The following NRG1 variants were observed in gnomAD, a reference collection of about 807,000 sequenced individuals.
NRG1 encodes neuregulin 1.
NRG1 carries 18 observed loss-of-function variants against 63.8 expected under a neutral mutation model. The ratio of observed to expected loss-of-function variants is 0.28; its 90% confidence interval spans 0.19 to 0.42. NRG1 has a LOEUF of 0.42. NRG1 is among the 10% of genes least tolerant of loss of function. The probability of loss-of-function intolerance (pLI) is 1.00; values close to 1 mark genes in which losing one functional copy is unlikely to be tolerated. For synonymous variants in NRG1, 302 were observed against 301.3 expected (o/e 1.00, Z -0.02); for missense variants, 762 against 814.7 (o/e 0.94, Z 0.79).
chr8:31,829,181 G>T (rs1365830142), intron 1 of NRG1, among the ~76,000 whole-genome samples: 4 of 152,166 alleles, frequency 2.6e-5, no homozygotes, highest in African/African-American at 9.7e-5. Flanking sequence ...GCATACATTT[G>T]CAGTCCCTTG....
intron 1 of NRG1, among the ~76,000 whole-genome samples, chr8:32,539,563 G>C (rs1832370854): frequency 6.6e-6 from 1 of 152,172 alleles, no homozygotes; most frequent in African/African-American, 2.4e-5. Context: ...TTTTTGCGGG[G>C]AAGAGATGGA....
chr8:32,519,488 AAAT>A (rs34117570), intron 1 of NRG1, among the ~76,000 whole-genome samples: 114,809 of 150,378 alleles, frequency 0.76, 44,004 homozygotes, highest in East Asian at 0.88. Flanking sequence ...ACATCTATGA[AAAT>A]AATAATAATA....
At chr8:32,018,503 A>G (rs1200789946) in intron 1 of NRG1, among the ~76,000 whole-genome samples, 1 of 152,230 alleles carries the variant, frequency 6.6e-6, no homozygotes, top group African/African-American at 2.4e-5. Context: ...TCTGTTTATG[A>G]GCCAAAAATA....
intron 2 of NRG1, among the ~76,000 whole-genome samples, chr8:32,604,925 A>G (rs961134033): frequency 3.9e-5 from 6 of 152,190 alleles, no homozygotes; most frequent in Non-Finnish European, 7.3e-5. Context: ...TTATAAAACT[A>G]TGTGATAATG....
At chr8:32,116,463 T>C (rs562543521) in intron 1 of NRG1, among the ~76,000 whole-genome samples, 1 of 152,218 alleles carries the variant, frequency 6.6e-6, no homozygotes, top group South Asian at 2.1e-4. Flanking sequence ...CTTCACCACC[T>C]GATGAGCTGA....
intron 1 of NRG1, among the ~76,000 whole-genome samples, chr8:32,003,439 C>A (rs1813264076): frequency 6.6e-6 from 1 of 152,002 alleles, no homozygotes; most frequent in South Asian, 2.1e-4. Flanking sequence ...TGGGCCATAA[C>A]ATTTATCTTA....
intron 1 of NRG1, among the ~76,000 whole-genome samples, chr8:32,153,094 C>T (rs1210148989): frequency 6.6e-6 from 1 of 152,062 alleles, no homozygotes; most frequent in East Asian, 1.9e-4. Context: ...AAAAAATTAG[C>T]AATTCAGCAG....
intron 1 of NRG1, among the ~76,000 whole-genome samples, chr8:32,015,799 G>A (rs771605922): frequency 2.0e-5 from 3 of 151,302 alleles, no homozygotes; most frequent in East Asian, 1.9e-4. Flanking sequence ...AAAGCCTAAC[G>A]GAATCTGGCT....
intron 5 of NRG1, among the ~76,000 whole-genome samples, chr8:32,701,438 C>G (rs1814856804): frequency 6.6e-6 from 1 of 152,096 alleles, no homozygotes; most frequent in Non-Finnish European, 1.5e-5. Context: ...CCTGGCATTG[C>G]TCTCCCAGAA....
chr8:32,466,419 T>G (rs994097043), intron 1 of NRG1, among the ~76,000 whole-genome samples: 7 of 151,162 alleles, frequency 4.6e-5, no homozygotes, highest in Non-Finnish European at 8.8e-5. Flanking sequence ...CAGTAGCATC[T>G]AAAAGTGCAT....
At chr8:32,138,780 CT>C (rs1835876019) in intron 1 of NRG1, among the ~76,000 whole-genome samples, 1 of 151,986 alleles carries the variant, frequency 6.6e-6, no homozygotes, top group South Asian at 2.1e-4. Flanking sequence ...ATTGGCCAGG[CT>C]GTTTTCAATG....
At chr8:32,121,028 T>G (rs527994110) in intron 1 of NRG1, among the ~76,000 whole-genome samples, 34 of 152,022 alleles carry the variant, frequency 2.2e-4, no homozygotes, top group Non-Finnish European at 4.4e-4. Context: ...GTCAATTAGT[T>G]TCTCATACTC....
In NRG1 at chr8:32,352,900, C is replaced by CAT. The variant is rs151174403; in HGVS notation, c.38-242914_38-242913dup. 1.4e-3 allele frequency among the ~76,000 whole-genome samples: 169 copies of CAT among 121,710 alleles called. 1 individual carries two copies. The highest frequency in any genetic ancestry group is 3.7e-3 in the African/African-American group (122 of 33,278). The allele number at this position is 121,710 out of a possible 152,430, so 79.8% of individuals were successfully genotyped here. Reference sequence around the variant, plus strand: ...CTCAATTTTTTAAAATATATATATACATATATATATATATAGAGAGAGAGA... The same window carrying CAT: ...CTCAATTTTTTAAAATATATATATACATATATATATATATATAGAGAGAGAGA... On this transcript the variant is annotated intron_variant, in intron 1 of 10. Transcript: ENST00000519301.
intron 1 of NRG1, among the ~76,000 whole-genome samples, chr8:32,505,898 A>C (rs897973453): frequency 2.0e-5 from 3 of 152,156 alleles, no homozygotes; most frequent in Non-Finnish European, 2.9e-5. Context: ...AGGGTCCTTG[A>C]CTGACAGCGA....
intron 1 of NRG1, among the ~76,000 whole-genome samples, chr8:32,538,270 A>G (rs1832226634): frequency 6.6e-6 from 1 of 152,200 alleles, no homozygotes; most frequent in Non-Finnish European, 1.5e-5. Flanking sequence ...ATCAAAAAAT[A>G]TCAACTATAT....
intron 5 of NRG1, among the ~76,000 whole-genome samples, chr8:32,721,330 A>G (rs941104705): frequency 6.6e-6 from 1 of 152,230 alleles, no homozygotes; most frequent in Non-Finnish European, 1.5e-5. Context: ...CAGTTAAACC[A>G]GTTAATCTCC....
intron 1 of NRG1, among the ~76,000 whole-genome samples, chr8:31,984,299 G>T (rs145110595): frequency 2.0e-5 from 3 of 152,024 alleles, no homozygotes; most frequent in African/African-American, 7.2e-5. Context: ...AGAAAACACT[G>T]AGCATCTTTT....
At chr8:32,111,425 A>G (rs1005679045) in intron 1 of NRG1, among the ~76,000 whole-genome samples, 1 of 152,050 alleles carries the variant, frequency 6.6e-6, no homozygotes, top group East Asian at 1.9e-4. Flanking sequence ...ACTTGCTGTA[A>G]GCTATCTTTT....
chr8:32,172,169 A>C (rs1840140060), intron 1 of NRG1, among the ~76,000 whole-genome samples: 1 of 152,240 alleles, frequency 6.6e-6, no homozygotes, highest in Non-Finnish European at 1.5e-5. Context: ...GCGATCAGGC[A>C]GTAACATTTG....
Sources: gnomAD v4.1 joint callset for allele counts (sites outside exome capture counted in the v4.1 genomes callset) on GRCh38, gnomAD v4.1.1 for gene constraint, MANE v1.5 for transcripts, NCBI Gene and HGNC (gene_info 2026-07-23, HGNC 2026-07-21) for gene names.